The following ANKHD1 variants were observed in gnomAD, a reference collection of about 807,000 sequenced individuals.
ANKHD1 encodes the protein ankyrin repeat and KH domain containing 1.
ANKHD1 carries 31 observed loss-of-function variants against 230.5 expected under a neutral mutation model. That is an observed-to-expected ratio of 0.13 (90% CI 0.10 to 0.18). ANKHD1 has a LOEUF of 0.18. Among genes scored for constraint, ANKHD1 ranks in the 10% least tolerant of loss-of-function variants. The probability of loss-of-function intolerance (pLI) is 1.00; values close to 1 mark genes in which losing one functional copy is unlikely to be tolerated. For missense variants in ANKHD1, 2,256 were observed against 3,071.3 expected, an observed-to-expected ratio of 0.73 and a Z score of 6.27; for synonymous variants, 1,074 against 1,117.6, an observed-to-expected ratio of 0.96 and a Z score of 0.78.
At chr5:140,472,482 G>T in intron 10 of ANKHD1, 1 of 1,308,546 alleles carries the variant, frequency 7.6e-7, no homozygotes, top group Non-Finnish European at 9.7e-7. Context: ...CTGGTAGTTT[G>T]TTTCCTTAGT....
At chr5:140,459,762 A>G (rs1372654560) in intron 9 of ANKHD1, among the ~76,000 whole-genome samples, 1 of 152,118 alleles carries the variant, frequency 6.6e-6, no homozygotes, top group Non-Finnish European at 1.5e-5. Context: ...ATTATTTGTC[A>G]ATTAAAAATA....
chr5:140,487,234 A>G (rs531743552), intron 14 of ANKHD1, among the ~76,000 whole-genome samples, 174 bp downstream of exon 14: 1 of 152,324 alleles, frequency 6.6e-6, no homozygotes, highest in East Asian at 1.9e-4. Flanking sequence ...GTTAGGAAAA[A>G]TGACTTTTTA....
At chr5:140,486,929 G>A (rs1243948527) in intron 13 of ANKHD1, 29 bp from the exon 14 acceptor site, 17 of 1,603,040 alleles carry the variant, frequency 1.1e-5, no homozygotes, top group Non-Finnish European at 1.3e-5. Flanking sequence ...TTTGGTCTGA[G>A]ATGATTTTTT....
chr5:140,458,309 T>A (rs1362310010), intron 7 of ANKHD1, among the ~76,000 whole-genome samples: 10 of 152,170 alleles, frequency 6.6e-5, no homozygotes, highest in African/African-American at 1.2e-4. Context: ...ATTTCACAGT[T>A]TTTTGAACTT....
chr5:140,535,906 A>G (rs1162130635), intron 30 of ANKHD1: 1 of 152,740 alleles, frequency 6.5e-6, no homozygotes, highest in African/African-American at 2.4e-5. Flanking sequence ...AAAAAAAAAA[A>G]AAAAAAAAGT....
intron 10 of ANKHD1, among the ~76,000 whole-genome samples, chr5:140,475,604 C>T (rs1341321538): frequency 1.3e-5 from 2 of 152,054 alleles, no homozygotes; most frequent in South Asian, 2.1e-4. Flanking sequence ...AGCAAATTGT[C>T]GTTAATGGAA....
At chr5:140,468,432 T>G (rs926229432) in intron 10 of ANKHD1, among the ~76,000 whole-genome samples, 4 of 152,320 alleles carry the variant, frequency 2.6e-5, no homozygotes, top group Non-Finnish European at 4.4e-5. Flanking sequence ...AATTGGAAAC[T>G]AGGTAATTTA....
chr5:140,412,484 A>G (rs1771018796), intron 1 of ANKHD1, among the ~76,000 whole-genome samples: 1 of 152,184 alleles, frequency 6.6e-6, no homozygotes, highest in Non-Finnish European at 1.5e-5. Flanking sequence ...TTTTAATGAA[A>G]TTACTGTCAT....
At chr5:140,475,838 A>C (rs1164161141) in intron 10 of ANKHD1, among the ~76,000 whole-genome samples, 1 of 152,220 alleles carries the variant, frequency 6.6e-6, no homozygotes, top group Admixed American at 6.5e-5. Flanking sequence ...CATCAAAATG[A>C]GTTTCCTCAG....
At chr5:140,462,662 T>C (rs546227293) in intron 9 of ANKHD1, among the ~76,000 whole-genome samples, 2 of 138,000 alleles carry the variant, frequency 1.4e-5, no homozygotes, top group East Asian at 4.8e-4. Context: ...GAGGCAGAGC[T>C]TGCAGTGAGC....
In ANKHD1 at chr5:140,485,727, T is replaced by C; in HGVS notation, c.2137T>C (p.Ser713Pro). 1 of 1,613,138 alleles carries C rather than the reference T, an allele frequency of 6.2e-7. No individual in the cohort carries two copies. Residue 713 changes from serine (S) to proline (P), a missense_variant, in exon 13 of 34, where the codon TCT becomes CCT. Coordinates refer to ENST00000360839, the MANE Select transcript of ANKHD1 (RefSeq NM_017747.3). This position sits in a 1 kb window ranked among gnomAD's most constrained non-coding sequence, Gnocchi z 4.8. ...SQLPPPSQDQ[S>P]QVPRVPTHTL... ...GCTCCCTCCACCTTCTCAAGATCAG[T>C]CTCAGGTAAAGTAAAATGGAGCTTG...
chr5:140,426,417 A>G (rs991984442), intron 1 of ANKHD1, among the ~76,000 whole-genome samples: 1 of 152,236 alleles, frequency 6.6e-6, no homozygotes, highest in Non-Finnish European at 1.5e-5. Context: ...GGTGTGAGCC[A>G]CTGCGCCCAG....
chr5:140,509,827 A>G lies in ANKHD1; in HGVS notation c.3941+15A>G, dbSNP rs1162318909. 5.6e-6 allele frequency: 9 copies of G among 1,599,120 alleles called. No individual in the cohort carries two copies. Among genetic ancestry groups the G allele is most frequent in the Non-Finnish European group, 7.6e-6 (9 of 1,176,992 alleles). On this transcript the variant is annotated intron_variant, in intron 21 of 33. Transcript: ENST00000360839. ...CTGATTCATAGGTGAGTACTTTTCT[A>G]TTATATGTAGAACTTCTCATGGTCA...
intron 17 of ANKHD1, 35 bp downstream of exon 17, chr5:140,505,268 T>G (rs372993709): frequency 3.9e-4 from 624 of 1,608,434 alleles, no homozygotes; most frequent in Non-Finnish European, 5.0e-4. Context: ...CCAAGTGTAG[T>G]TACATCAGAA....
At chr5:140,411,686 A>AT (rs1158687903) in intron 1 of ANKHD1, among the ~76,000 whole-genome samples, 106 of 149,856 alleles carry the variant, frequency 7.1e-4, no homozygotes, top group African/African-American at 2.3e-3. Context: ...TACCCAGCTA[A>AT]TTTTTTTTTG....
intron 1 of ANKHD1, among the ~76,000 whole-genome samples, chr5:140,419,457 T>TC (rs1771692402): frequency 1.0e-5 from 1 of 96,314 alleles, no homozygotes. Context: ...TTTCTTTCTT[T>TC]TTTTTTTTTT....
intron 10 of ANKHD1, among the ~76,000 whole-genome samples, chr5:140,477,388 T>C (rs534299880): frequency 1.1e-3 from 161 of 152,320 alleles, no homozygotes; most frequent in African/African-American, 3.8e-3. Flanking sequence ...CAATTTTTTA[T>C]CTTTCATAAA....
At chr5:140,537,052 T>C (rs1754119326) in intron 30 of ANKHD1, 1 of 169,522 alleles carries the variant, frequency 5.9e-6, no homozygotes, top group Admixed American at 6.3e-5. Flanking sequence ...CAGTAATGTT[T>C]TGAGCAGATT....
chr5:140,510,029 A>T lies in ANKHD1; in HGVS notation c.3952A>T (p.Ile1318Phe), dbSNP rs111485468. Reference sequence around the variant, plus strand: ...ATGCCTTGTTTACAGGGGAGCCCACATTGATGTTCGTAACAAAAAGGGAAA... The same window carrying T: ...ATGCCTTGTTTACAGGGGAGCCCACTTTGATGTTCGTAACAAAAAGGGAAA... The part of the protein sequence containing the change: ...CELLIHRGAH[I>F]DVRNKKGNTP... The change falls in exon 22 of 34, where the codon ATT becomes TTT. Residue 1318 changes from isoleucine (I) to phenylalanine (F), a missense_variant. Physicochemically the swap from Ile to Phe is conservative, Grantham distance 21. This residue lies in a region of ANKHD1 where 195 missense variants were observed against 340.3 expected (regional missense o/e 0.57). Coordinates refer to ENST00000360839, the MANE Select transcript of ANKHD1 (RefSeq NM_017747.3). The T allele has an allele frequency of 6.2e-7, 1 of 1,613,258 alleles. No homozygotes were observed. Among genetic ancestry groups the T allele is most frequent in the African/African-American group, 1.3e-5 (1 of 74,928 alleles).
Sources: gnomAD v4.1 joint callset for allele counts (sites outside exome capture counted in the v4.1 genomes callset) on GRCh38, gnomAD v4.1.1 for gene constraint, gnomAD v4.1.1 regional missense constraint, Gnocchi (gnomAD v3.1) non-coding constraint, MANE v1.5 for transcripts, NCBI Gene and HGNC (gene_info 2026-07-23, HGNC 2026-07-21) for gene names.